The following TTC21B variants were observed in gnomAD, a reference collection of about 807,000 sequenced individuals.
TTC21B encodes tetratricopeptide repeat domain 21B, also known as tetratricopeptide repeat protein 21B.
A neutral mutation model predicts 175.1 loss-of-function variants in TTC21B; 127 were observed. That is an observed-to-expected ratio of 0.73 (90% confidence interval 0.63 to 0.84). TTC21B has a LOEUF of 0.84. Among genes scored for constraint, TTC21B ranks in the 40% least tolerant of loss-of-function variants. The pLI, the probability that TTC21B is intolerant of heterozygous loss-of-function variation, is 0.00. For missense variants in TTC21B, 1,561 were observed against 1,558.3 expected (o/e 1.00, Z -0.03); for synonymous variants, 524 against 524.5 (o/e 1.00, Z 0.01).
intron 18 of TTC21B, among the ~76,000 whole-genome samples, chr2:165,908,133 T>A (rs1351857456): frequency 2.0e-5 from 3 of 152,222 alleles, no homozygotes; most frequent in Admixed American, 6.5e-5. Flanking sequence ...GTAGTTGCTA[T>A]ATGCAATTAA....
chr2:165,923,352 G>C (rs1047717835), intron 12 of TTC21B, among the ~76,000 whole-genome samples: 22 of 151,836 alleles, frequency 1.4e-4, no homozygotes, highest in African/African-American at 5.3e-4. Context: ...CCTTTAAGTT[G>C]GTTTCTGCTC....
intron 8 of TTC21B, 89 bp from the exon 9 acceptor site, chr2:165,930,453 T>C (rs900630461): frequency 8.8e-6 from 9 of 1,026,788 alleles, no homozygotes; most frequent in Non-Finnish European, 1.2e-5. Context: ...TATATATTAT[T>C]TGTACTTCAA....
chr2:165,907,479 C>T lies in TTC21B; in HGVS notation c.2568+199G>A, dbSNP rs142111507. ...GCTATAAAATGGGATTAAAAAATTC[C>T]AACCTTCCCAAATTGTTATAATAGT... On this transcript the variant is annotated intron_variant, in intron 19 of 28. Coordinates refer to ENST00000243344, the MANE Select transcript of TTC21B (RefSeq NM_024753.5). Among the ~76,000 whole-genome samples the T allele has an allele frequency of 9.8e-4, 149 of 152,258 alleles. 1 individual carries two copies. Among genetic ancestry groups the T allele is most frequent in the African/African-American group, 3.3e-3 (139 of 41,554 alleles).
chr2:165,907,458 T>C (rs1343481755), intron 19 of TTC21B, among the ~76,000 whole-genome samples: 2 of 152,202 alleles, frequency 1.3e-5, no homozygotes, highest in Non-Finnish European at 2.9e-5. Flanking sequence ...TCCTCAGCTA[T>C]AAAATGGGAT....
intron 4 of TTC21B, among the ~76,000 whole-genome samples, chr2:165,945,011 GT>G (rs1333730096): frequency 2.0e-5 from 3 of 152,274 alleles, no homozygotes; most frequent in Admixed American, 2.0e-4. Context: ...AGCAATAAAT[GT>G]TAGCTATTAT....
At chr2:165,896,945 T>G (rs1234636052) in intron 22 of TTC21B, among the ~76,000 whole-genome samples, 2 of 152,178 alleles carry the variant, frequency 1.3e-5, no homozygotes, top group African/African-American at 2.4e-5. Flanking sequence ...GAAGCCCTTT[T>G]GCCCAGCTCT....
intron 11 of TTC21B, 99 bp from the exon 12 acceptor site, chr2:165,924,777 A>G: frequency 7.4e-7 from 1 of 1,343,134 alleles, no homozygotes; most frequent in Non-Finnish European, 1.0e-6. Flanking sequence ...CAAGCTATAT[A>G]CATTTTTCTA....
intron 1 of TTC21B, 82 bp downstream of exon 1, chr2:165,953,603 C>G: frequency 1.3e-6 from 2 of 1,534,404 alleles, no homozygotes; most frequent in Non-Finnish European, 1.7e-6. Flanking sequence ...CACCCGAGCT[C>G]CCTCCGCGCC....
At position 165,901,685 on chromosome 2, in the gene TTC21B, G is replaced by C. The variant is rs112913515; in HGVS notation, c.2757+37C>G. The C allele has an allele frequency of 2.2e-3, 3,438 of 1,571,262 alleles. 77 individuals carry two copies. The African/African-American group carries it at 0.041, about 19-fold the overall frequency. On this transcript the variant is annotated intron_variant, in intron 20 of 28. Transcript: ENST00000243344. ...ATCTGAGGAAATTAGAAGACATCTG[G>C]AATAAAAGGTATTTAAAATTTTATA...
At chr2:165,953,324 A>G (rs2105374035) in intron 1 of TTC21B, among the ~76,000 whole-genome samples, 1 of 152,320 alleles carries the variant, frequency 6.6e-6, no homozygotes. Flanking sequence ...CCAGTGTGGG[A>G]GCTGACACTA....
chr2:165,875,896 T>C (rs894188037), intron 28 of TTC21B, among the ~76,000 whole-genome samples: 1 of 152,084 alleles, frequency 6.6e-6, no homozygotes, highest in African/African-American at 2.4e-5. Flanking sequence ...TATTTTATGG[T>C]TTATTGTTTA....
intron 14 of TTC21B, 81 bp downstream of exon 14, chr2:165,917,176 G>T: frequency 7.4e-7 from 1 of 1,347,590 alleles, no homozygotes; most frequent in Non-Finnish European, 1.1e-6. Context: ...ACCATGCCTG[G>T]GCAGCTTTTC....
intron 20 of TTC21B, 55 bp from the exon 21 acceptor site, chr2:165,899,935 A>T (rs1444078566): frequency 9.5e-7 from 1 of 1,057,260 alleles, no homozygotes; most frequent in African/African-American, 1.6e-5. Flanking sequence ...AAAGTCAATG[A>T]GGAAAATACG....
At chr2:165,878,089 T>C (rs1295078388) in intron 27 of TTC21B, among the ~76,000 whole-genome samples, 2 of 152,180 alleles carry the variant, frequency 1.3e-5, no homozygotes, top group African/African-American at 4.8e-5. Flanking sequence ...TCCCTCTAAC[T>C]CTTAGTATAA....
In TTC21B at chr2:165,915,366, A is replaced by G. The variant is rs889398396; in HGVS notation, c.1973T>C (p.Ile658Thr). The G allele has an allele frequency of 6.8e-6, 11 of 1,614,132 alleles. No homozygotes were observed. The highest frequency in any genetic ancestry group is 9.3e-6 in the Non-Finnish European group (11 of 1,179,994). The change falls in exon 15 of 29, where the codon ATT (isoleucine) becomes ACT (threonine). Residue 658 changes from isoleucine to threonine, a missense_variant. Ile to Thr is a moderately conservative substitution (Grantham distance 89). Transcript: ENST00000243344. The stretch of plus-strand genomic sequence containing the variant: ...GGCTAGAGCAAGGTCTGCATTAGCA[A>G]TGGTAACCCGCACTTCTTCAGATGT... ...SGTSEEVRVT[I>T]ANADLALAQG... is the part of the protein sequence containing the mutation.
At chr2:165,944,966 CTTAAT>C (rs1241172254) in intron 4 of TTC21B, among the ~76,000 whole-genome samples, 1 of 152,106 alleles carries the variant, frequency 6.6e-6, no homozygotes, top group Middle Eastern at 3.2e-3. Flanking sequence ...GTGATCTCTC[CTTAAT>C]TTAAAACAGT....
intron 1 of TTC21B, among the ~76,000 whole-genome samples, chr2:165,950,609 G>A (rs1255328986): frequency 6.6e-6 from 1 of 152,262 alleles, no homozygotes; most frequent in Admixed American, 6.5e-5. Context: ...TATCTAGACA[G>A]CTCTGGTTTG....
chr2:165,910,333 G>A (rs1440398514), intron 18 of TTC21B, among the ~76,000 whole-genome samples: 1 of 152,046 alleles, frequency 6.6e-6, no homozygotes, highest in Non-Finnish European at 1.5e-5. Flanking sequence ...AGCCCGGGCA[G>A]CAGAGCTTGC....
chr2:165,925,597 T>C (rs1272157397), intron 11 of TTC21B, among the ~76,000 whole-genome samples: 1 of 152,196 alleles, frequency 6.6e-6, no homozygotes, highest in Non-Finnish European at 1.5e-5. Flanking sequence ...CTTACTTATG[T>C]TGACACACAC....
Sources: gnomAD v4.1 joint callset for allele counts (sites outside exome capture counted in the v4.1 genomes callset) on GRCh38, gnomAD v4.1.1 for gene constraint, MANE v1.5 for transcripts, NCBI Gene and HGNC (gene_info 2026-07-23, HGNC 2026-07-21) for gene names.